Variants in MAGI1 observed in about 807,000 individuals in gnomAD.
MAGI1 encodes membrane-associated guanylate kinase, WW and PDZ domain-containing protein 1.
A neutral mutation model predicts 139.9 loss-of-function variants in MAGI1; 58 were observed. The observed-to-expected ratio is 0.41, with a 90% confidence interval of 0.34 to 0.52. MAGI1 has a LOEUF of 0.52. MAGI1 is among the 20% of genes least tolerant of loss of function. The pLI, the probability that MAGI1 is intolerant of heterozygous loss-of-function variation, is 0.12. For missense variants in MAGI1, 1,874 were observed against 1,901.6 expected, an observed-to-expected ratio of 0.99 and a Z score of 0.27; for synonymous variants, 812 against 737.9, an observed-to-expected ratio of 1.10 and a Z score of -1.63.
chr3:65,860,816 C>T (rs536234093), intron 1 of MAGI1, among the ~76,000 whole-genome samples: 26 of 152,276 alleles, frequency 1.7e-4, no homozygotes, highest in Non-Finnish European at 3.2e-4. Context: ...AGGTCCAACA[C>T]GACAAATACA....
chr3:65,803,369 T>C (rs78201821), intron 1 of MAGI1, among the ~76,000 whole-genome samples: 4,718 of 152,234 alleles, frequency 0.031, 192 homozygotes, highest in African/African-American at 0.091. Context: ...TGCTCAATGC[T>C]TAAATAATTT....
chr3:65,483,038 G>GC (rs1343513734), intron 3 of MAGI1, among the ~76,000 whole-genome samples: 19 of 152,336 alleles, frequency 1.2e-4, no homozygotes, highest in African/African-American at 4.1e-4. Flanking sequence ...CTGCTGCAAT[G>GC]CAAGGGCATA....
At chr3:65,365,187 CAG>C (rs1246409875) in intron 18 of MAGI1, 5 of 695,616 alleles carry the variant, frequency 7.2e-6, no homozygotes, top group African/African-American at 1.7e-5. Flanking sequence ...ACAAATAAAA[CAG>C]AGTTTGCCAA....
rs199554026 is a variant in MAGI1, at chr3:65,379,342, C to T, written c.2914G>A (p.Glu972Lys). 6.2e-7 allele frequency: 1 copy of T among 1,613,192 alleles called. No individual in the cohort carries two copies. Among genetic ancestry groups the T allele is most frequent in the Non-Finnish European group, 8.5e-7 (1 of 1,179,638 alleles). The change falls in exon 17 of 23, where the codon GAG (glutamate) becomes AAG (lysine). Residue 972 changes from glutamate to lysine, a missense_variant. Glu to Lys is a moderately conservative substitution (Grantham distance 56, BLOSUM62 1). Coordinates refer to ENST00000402939, the MANE Select transcript of MAGI1 (RefSeq NM_001033057.2). ...CCCTCGTTCTCCCCGCGCCGGATCT[C>T]CACGTCGTAGGGCTGCACCACGGTG... ...VSTVVQPYDVEIRRGENEGFG... is the reference protein window; with the variant it reads ...VSTVVQPYDVKIRRGENEGFG...
chr3:65,825,190 A>G (rs1203048100), intron 1 of MAGI1, among the ~76,000 whole-genome samples: 2 of 152,232 alleles, frequency 1.3e-5, no homozygotes, highest in Non-Finnish European at 2.9e-5. Context: ...TGAAAAGAAG[A>G]GAGCTTATAG....
At chr3:65,620,033 A>G (rs2083582110) in intron 2 of MAGI1, 8 of 980,666 alleles carry the variant, frequency 8.2e-6, no homozygotes, top group Non-Finnish European at 8.5e-6. Context: ...TAAGCTTAAA[A>G]TCAAGCCATT....
intron 1 of MAGI1, among the ~76,000 whole-genome samples, chr3:65,715,833 G>T (rs1040128567): frequency 2.0e-5 from 3 of 152,190 alleles, no homozygotes; most frequent in African/African-American, 7.2e-5. Flanking sequence ...TAAAAAAGCA[G>T]GAAGAGTTTA....
At chr3:66,002,639 C>T (rs560115566) in intron 1 of MAGI1, among the ~76,000 whole-genome samples, 4 of 152,192 alleles carry the variant, frequency 2.6e-5, no homozygotes, top group South Asian at 2.1e-4. Flanking sequence ...CTGAGCCTCC[C>T]GAGTAGCTGG....
chr3:65,645,018 G>GA (rs56743130), intron 1 of MAGI1, among the ~76,000 whole-genome samples: 17,384 of 141,854 alleles, frequency 0.12, 1,210 homozygotes, highest in Middle Eastern at 0.19. Context: ...TAAAAAGAAA[G>GA]AAAAAAAAAA....
chr3:65,478,195 A>T lies in MAGI1; in HGVS notation c.757+397T>A, dbSNP rs114776318. On this transcript the variant is annotated intron_variant, in intron 4 of 22. Transcript: ENST00000402939. ...AACTGACATTAAACTGATAAAACAC[A>T]TTCTCATATTTTGCTTCATAGCAAC... is the stretch of plus-strand genomic sequence containing the variant. Among the ~76,000 whole-genome samples, 1,106 of 152,134 alleles carry T rather than the reference A, an allele frequency of 7.3e-3. 8 individuals carry two copies. The highest frequency in any genetic ancestry group is 0.011 in the Non-Finnish European group (762 of 68,012).
chr3:65,821,699 A>G (rs764385790), intron 1 of MAGI1, among the ~76,000 whole-genome samples: 2 of 152,206 alleles, frequency 1.3e-5, no homozygotes, highest in Non-Finnish European at 2.9e-5. Flanking sequence ...TCAAACCAAA[A>G]GAAGCAACAT....
intron 1 of MAGI1, among the ~76,000 whole-genome samples, chr3:65,758,853 A>C (rs2036770205): frequency 6.6e-6 from 1 of 152,016 alleles, no homozygotes; most frequent in Non-Finnish European, 1.5e-5. Context: ...CTCTTTACTG[A>C]CTCCAACAAA....
chr3:65,533,894 T>C (rs2078828904), intron 2 of MAGI1, among the ~76,000 whole-genome samples: 1 of 152,198 alleles, frequency 6.6e-6, no homozygotes, highest in Non-Finnish European at 1.5e-5. Context: ...GGTAAGATCA[T>C]TCATGAAACC....
chr3:65,720,987 C>T (rs2032946803), intron 1 of MAGI1, among the ~76,000 whole-genome samples: 1 of 152,004 alleles, frequency 6.6e-6, no homozygotes, highest in Admixed American at 6.6e-5. Context: ...AGCAATCTGC[C>T]CACCTCAGTC....
chr3:66,007,541 A>T (rs2067090601), intron 1 of MAGI1, among the ~76,000 whole-genome samples: 2 of 152,196 alleles, frequency 1.3e-5, no homozygotes, highest in African/African-American at 4.8e-5. Flanking sequence ...AAGAGCATAA[A>T]TGTGCAGGAT....
chr3:65,949,885 C>CA (rs1321470906), intron 1 of MAGI1, among the ~76,000 whole-genome samples: 1 of 151,672 alleles, frequency 6.6e-6, no homozygotes, highest in Non-Finnish European at 1.5e-5. Flanking sequence ...CCTGCCTCTG[C>CA]AAAAAATACA....
At chr3:65,462,336 T>C (rs1460748299) in intron 5 of MAGI1, among the ~76,000 whole-genome samples, 1 of 152,246 alleles carries the variant, frequency 6.6e-6, no homozygotes, top group Non-Finnish European at 1.5e-5. Context: ...TTTCTGCATA[T>C]GGCTAGCCAG....
At chr3:65,662,765 C>T (rs2086269519) in intron 1 of MAGI1, among the ~76,000 whole-genome samples, 2 of 152,164 alleles carry the variant, frequency 1.3e-5, no homozygotes, top group African/African-American at 2.4e-5. Context: ...ATATTATTAA[C>T]TATAGTCCTC....
At chr3:65,782,065 A>C (rs2108012888) in intron 1 of MAGI1, among the ~76,000 whole-genome samples, 1 of 152,338 alleles carries the variant, frequency 6.6e-6, no homozygotes, top group Non-Finnish European at 1.5e-5. Context: ...TAACTATCAA[A>C]GGGAAACACT....
Sources: gnomAD v4.1 joint callset for allele counts (sites outside exome capture counted in the v4.1 genomes callset) on GRCh38, gnomAD v4.1.1 for gene constraint, MANE v1.5 for transcripts, NCBI Gene and HGNC (gene_info 2026-07-23, HGNC 2026-07-21) for gene names.